CUX1: variants seen among roughly 807,000 people sequenced by gnomAD.
CUX1 encodes protein CASP.
In CUX1, 31 loss-of-function variants were observed where a neutral mutation model predicts 158.8. That is an observed-to-expected ratio of 0.20 (90% CI 0.15 to 0.26). The LOEUF is 0.26. Ranked by LOEUF, CUX1 falls within the 10% of genes least tolerant of loss-of-function variation. CUX1 has a pLI of 1.00. For missense variants in CUX1, 1,589 were observed against 2,014.6 expected (o/e 0.79, Z 4.04); for synonymous variants, 879 against 862.1 (o/e 1.02, Z -0.34).
chr7:101,973,328 C>T (rs1019205824), intron 2 of CUX1, among the ~76,000 whole-genome samples: 1 of 152,040 alleles, frequency 6.6e-6, no homozygotes, highest in East Asian at 1.9e-4. Context: ...CTCACACTCA[C>T]GTTCATCACG....
At chr7:102,231,636 A>G (rs1398112019) in intron 21 of CUX1, among the ~76,000 whole-genome samples, 1 of 151,596 alleles carries the variant, frequency 6.6e-6, no homozygotes, top group Admixed American at 6.6e-5. Flanking sequence ...ATTCATATAT[A>G]TTGCTTTCCC....
intron 3 of CUX1, among the ~76,000 whole-genome samples, chr7:102,068,724 T>C (rs1296875506): frequency 6.6e-6 from 1 of 152,158 alleles, no homozygotes; most frequent in Non-Finnish European, 1.5e-5. Context: ...GGAGACAGCA[T>C]AGTTCTAGGA....
chr7:102,196,216 C>T (rs1794786625), intron 14 of CUX1, among the ~76,000 whole-genome samples: 1 of 152,200 alleles, frequency 6.6e-6, no homozygotes, highest in Non-Finnish European at 1.5e-5. Context: ...CGGTGCATCG[C>T]CTCAGAGCAA....
chr7:102,135,575 G>GTC (rs1833817530), intron 8 of CUX1, among the ~76,000 whole-genome samples: 1 of 150,614 alleles, frequency 6.6e-6, no homozygotes, highest in Non-Finnish European at 1.5e-5. Context: ...GTGTGTTTGT[G>GTC]TGTGTGTGTG....
Position 102,201,252 on chromosome 7 carries a change from T to G in CUX1, c.2063-108T>G, listed in dbSNP as rs1289385164. On this transcript the variant is annotated intron_variant, in intron 17 of 23. Coordinates refer to ENST00000292535, the MANE Select transcript of CUX1 (RefSeq NM_181552.4). This position sits in a 1 kb window ranked among gnomAD's most constrained non-coding sequence, Gnocchi z 5.0. The stretch of plus-strand genomic sequence containing the variant: ...CATGCTGGGGAAATACACAGTGTGG[T>G]TCTCCCAAATAACCCACACTTTGCA... The G allele has an allele frequency of 1.6e-5, 24 of 1,464,206 alleles. No homozygotes were observed. The Admixed American group carries it at 4.5e-4, about 27-fold the overall frequency. The allele number at this position is 1,464,206 out of a possible 1,614,324, so 90.7% of individuals were successfully genotyped here.
intron 20 of CUX1, among the ~76,000 whole-genome samples, chr7:102,219,126 C>A (rs1338197064): frequency 1.4e-5 from 2 of 145,430 alleles, no homozygotes; most frequent in Admixed American, 1.4e-4. Context: ...ACAGACACAC[C>A]CCAGCACCTA....
chr7:102,057,181 A>G (rs141937533), intron 3 of CUX1, among the ~76,000 whole-genome samples: 20,332 of 152,164 alleles, frequency 0.13, 2,944 homozygotes, highest in African/African-American at 0.37. Flanking sequence ...GATTACAGGC[A>G]TGAGCCACCG....
At chr7:102,031,624 ATATT>A (rs1467080639) in intron 3 of CUX1, among the ~76,000 whole-genome samples, 1 of 152,182 alleles carries the variant, frequency 6.6e-6, no homozygotes, top group Non-Finnish European at 1.5e-5. Flanking sequence ...CCATTAATTA[ATATT>A]TATCAAGCCT....
At chr7:102,113,004 C>T (rs1371706946) in intron 7 of CUX1, among the ~76,000 whole-genome samples, 2 of 151,914 alleles carry the variant, frequency 1.3e-5, no homozygotes, top group Non-Finnish European at 2.9e-5. Context: ...AAATAATCAC[C>T]ACAAATTTGA....
At chr7:102,168,927 TCTTTTATTTTC>T (rs1563342068) in intron 9 of CUX1, among the ~76,000 whole-genome samples, 55 of 107,148 alleles carry the variant, frequency 5.1e-4, no homozygotes, top group South Asian at 4.1e-3. Context: ...TCTTTTCTTT[TCTTTTATTTTC>T]TTTTTTTTTT....
chr7:102,138,049 G>A (rs1161130893), intron 8 of CUX1, among the ~76,000 whole-genome samples: 1 of 151,974 alleles, frequency 6.6e-6, no homozygotes, highest in Non-Finnish European at 1.5e-5. Flanking sequence ...GCTGGGCATG[G>A]TGGTGCTCAC....
At chr7:101,857,992 A>G (rs949623515) in intron 1 of CUX1, among the ~76,000 whole-genome samples, 2 of 152,152 alleles carry the variant, frequency 1.3e-5, no homozygotes, top group Non-Finnish European at 1.5e-5. Context: ...ATGTGGTGGC[A>G]CGCACCTGTA....
At chr7:101,880,479 T>C (rs1799600573) in intron 1 of CUX1, among the ~76,000 whole-genome samples, 2 of 152,162 alleles carry the variant, frequency 1.3e-5, no homozygotes, top group South Asian at 4.1e-4. Context: ...CGTTGGCTCC[T>C]GGCTGTATAA....
At chr7:101,817,381 C>A, upstream of CUX1, 2 of 984,700 alleles carry the variant, frequency 2.0e-6, no homozygotes, top group Non-Finnish European at 2.4e-6. This position sits in a 1 kb window ranked among gnomAD's most constrained non-coding sequence, Gnocchi z 4.1. Context: ...CCTTCTCGGG[C>A]CGGGTTCTCG....
rs145764759 is a variant in CUX1 at position 102,034,289 on chromosome 7, A to G, written c.189+6144A>G. ...TTTAAAATGTTCAAAACTTATTAAC[A>G]TAAATCCATGTCATTAGCAGATTAA... On this transcript the variant is annotated intron_variant, in intron 3 of 23. Coordinates refer to ENST00000292535, the MANE Select transcript of CUX1 (RefSeq NM_181552.4). Among the ~76,000 whole-genome samples, 939 of 152,260 alleles carry G rather than the reference A, an allele frequency of 6.2e-3. 8 individuals are homozygous for G. The highest frequency in any genetic ancestry group is 0.022 in the African/African-American group (903 of 41,550).
rs372370296 is a variant in CUX1, at chr7:102,104,621, G to C, written c.530+162G>C. ...AAAAATGATATTCTGGCTGGGTGTG[G>C]TGGCTCACGCCTGTAATCTCAGCAC... is the stretch of plus-strand genomic sequence containing the variant. On this transcript the variant is annotated intron_variant, in intron 6 of 23. Coordinates refer to ENST00000292535, the MANE Select transcript of CUX1 (RefSeq NM_181552.4). 3.5e-3 allele frequency among the ~76,000 whole-genome samples: 532 copies of C among 152,282 alleles called. 8 individuals carry two copies. In the South Asian group the frequency reaches 0.047, roughly 14 times the overall value.
intron 4 of CUX1, among the ~76,000 whole-genome samples, chr7:102,089,976 C>T (rs1197576273): frequency 7.2e-5 from 11 of 152,154 alleles, no homozygotes; most frequent in African/African-American, 2.7e-4. Context: ...AGTTGTCCAG[C>T]GTCTGTAAAT....
chr7:101,952,142 C>CT (rs939138289), intron 2 of CUX1, among the ~76,000 whole-genome samples: 15 of 152,102 alleles, frequency 9.9e-5, no homozygotes, highest in Admixed American at 1.3e-4. Context: ...AATCCCAATA[C>CT]TTTGAGAGGC....
intron 14 of CUX1, chr7:102,265,077 C>G (rs542878483): frequency 6.6e-6 from 1 of 152,032 alleles, no homozygotes; most frequent in East Asian, 1.9e-4. Flanking sequence ...ACTGTGTGGC[C>G]GGGGGTGGTG....
Sources: allele counts gnomAD v4.1 joint callset (sites outside exome capture counted in the v4.1 genomes callset), GRCh38; gene constraint gnomAD v4.1.1; non-coding constraint Gnocchi (gnomAD v3.1); transcripts MANE v1.5; gene names NCBI Gene and HGNC (gene_info 2026-07-23, HGNC 2026-07-21).